Variants in ARFGAP2 observed in about 807,000 individuals in gnomAD.
ARFGAP2 encodes the protein ARF GTPase activating protein 2.
Under a neutral mutation model 71.9 loss-of-function variants are expected in ARFGAP2, and 45 were observed. The observed-to-expected ratio is 0.63, with a 90% confidence interval of 0.49 to 0.80. The LOEUF (loss-of-function observed/expected upper bound fraction) is 0.80, where lower values mean the gene tolerates loss of function less well. Among genes scored for constraint, ARFGAP2 ranks in the 30% least tolerant of loss-of-function variants. ARFGAP2 has a pLI of 0.00. For missense variants in ARFGAP2, 633 were observed against 673.9 expected, an observed-to-expected ratio of 0.94 and a Z score of 0.67; for synonymous variants, 248 against 249.2, an observed-to-expected ratio of 1.00 and a Z score of 0.05.
chr11:47,175,405 A>C, intron 3 of ARFGAP2, 92 bp from the exon 4 acceptor site: 1 of 1,578,250 alleles, frequency 6.3e-7, no homozygotes, highest in Non-Finnish European at 8.7e-7. Context: ...ATGACAGCGA[A>C]GTTATTATCT....
rs775936906 is a variant in ARFGAP2 at position 47,166,494 on chromosome 11, C to A, written c.1426+12G>T. ...GCCTCACTTGGTGCCTGCCACCCCACCAGGGCCCTACCTGCTCCGTGAGCT... is the reference window on the plus strand; with the variant it reads ...GCCTCACTTGGTGCCTGCCACCCCAACAGGGCCCTACCTGCTCCGTGAGCT... On this transcript the variant is annotated intron_variant, in intron 14 of 15. Transcript: ENST00000524782. 9.3e-6 allele frequency: 15 copies of A among 1,612,974 alleles called. No individual in the cohort carries two copies. The South Asian group carries it at 1.6e-4, about 18-fold the overall frequency.
At chr11:47,175,680 C>A in intron 3 of ARFGAP2, 171 bp downstream of exon 3, 1 of 736,580 alleles carries the variant, frequency 1.4e-6, no homozygotes. Flanking sequence ...ATCTGAAACC[C>A]ATTTAAGAGA....
At chr11:47,175,131 G>A (rs1392109227) in intron 4 of ARFGAP2, 33 bp from the exon 5 acceptor site, 3 of 1,614,116 alleles carry the variant, frequency 1.9e-6, no homozygotes, top group South Asian at 2.2e-5. Flanking sequence ...AAAACACAGG[G>A]CTCTGAATAC....
Position 47,175,022 on chromosome 11 carries a change from T to C in ARFGAP2, c.473A>G (p.His158Arg). ...EKKDSDFFTE[H>R]TQPPAWDAPA... ...TTCCTTGTGGGCACTCACTTGAGTG[T>C]GTTCTGTGAAGAAATCAGAGTCCTT... Residue 158 changes from histidine (H) to arginine (R), a missense_variant, in exon 5 of 16, where the codon CAC (histidine) becomes CGC (arginine). Coordinates refer to ENST00000524782, the MANE Select transcript of ARFGAP2 (RefSeq NM_032389.6). 6.2e-7 allele frequency: 1 copy of C among 1,614,186 alleles called. No individual in the cohort carries two copies. The highest frequency in any genetic ancestry group is 1.1e-5 in the South Asian group (1 of 91,082).
In ARFGAP2 at chr11:47,173,494, A is replaced by G; in HGVS notation, c.563-12T>C. 1 of 1,552,788 alleles carries G rather than the reference A, an allele frequency of 6.4e-7. No homozygotes were observed. The highest frequency in any genetic ancestry group is 8.7e-7 in the Non-Finnish European group (1 of 1,148,018). On this transcript the variant is annotated splice_polypyrimidine_tract_variant and intron_variant, in intron 6 of 15. Transcript: ENST00000524782. ...GCCATGCTCCGGCTCTGTGGATGCA[A>G]TGGTAGGAGTTAGAGATGAGCTCCT... is the stretch of plus-strand genomic sequence containing the variant.
rs914650135 is a variant in ARFGAP2, at chr11:47,171,468, C to T, written c.899G>A (p.Arg300Gln). ...KKLQNLEGKK[R>Q]EQAERLGMGL... ...CATGCCCAACCTTTCTGCCTGCTCT[C>T]GCTTCTTCCCTTCCAGATTCTGTAG... is the stretch of plus-strand genomic sequence containing the variant. Residue 300 changes from arginine (R) to glutamine (Q), a missense_variant, in exon 10 of 16, where the codon CGA (arginine) becomes CAA (glutamine). Physicochemically the swap from Arg to Gln is conservative, Grantham distance 43 (BLOSUM62 1). Transcript: ENST00000524782. 4 of 1,614,090 alleles carry T rather than the reference C, an allele frequency of 2.5e-6. No homozygotes were observed. Among genetic ancestry groups the T allele is most frequent in the African/African-American group, 2.7e-5 (2 of 74,926 alleles).
At chr11:47,166,690 A>G in intron 13 of ARFGAP2, 70 bp downstream of exon 13, 1 of 1,599,600 alleles carries the variant, frequency 6.3e-7, no homozygotes, top group Non-Finnish European at 8.5e-7. Context: ...TAAAGCCCAA[A>G]GCAGCGGCAG....
intron 10 of ARFGAP2, among the ~76,000 whole-genome samples, chr11:47,168,805 G>A (rs1952488751): frequency 6.6e-6 from 1 of 152,214 alleles, no homozygotes; most frequent in Non-Finnish European, 1.5e-5. Flanking sequence ...TTATAGGCGT[G>A]AGCCACTGTG....
intron 5 of ARFGAP2, 170 bp from the exon 6 acceptor site, chr11:47,174,010 G>T: frequency 7.5e-7 from 1 of 1,334,750 alleles, no homozygotes; most frequent in South Asian, 1.4e-5. Flanking sequence ...GAAGAAAGCA[G>T]GAAGACAAGC....
intron 10 of ARFGAP2, 118 bp downstream of exon 10, chr11:47,171,308 G>A: frequency 6.7e-7 from 1 of 1,483,376 alleles, no homozygotes; most frequent in Non-Finnish European, 9.1e-7. Flanking sequence ...AATAAGCCAA[G>A]TGATCTATTC....
intron 12 of ARFGAP2, among the ~76,000 whole-genome samples, chr11:47,167,483 T>G (rs1952429684): frequency 1.3e-5 from 2 of 152,094 alleles, no homozygotes; most frequent in Non-Finnish European, 2.9e-5. Flanking sequence ...GAGTAGGGTT[T>G]TAAAAAATAA....
chr11:47,175,785 G>A (rs546886487), intron 3 of ARFGAP2, 66 bp downstream of exon 3: 39 of 1,582,846 alleles, frequency 2.5e-5, no homozygotes, highest in Admixed American at 3.3e-5. Flanking sequence ...GGGCCTCTTA[G>A]GGAGTCGTGC....
intron 15 of ARFGAP2, among the ~76,000 whole-genome samples, chr11:47,165,759 G>A (rs1952340356): frequency 6.6e-6 from 1 of 152,200 alleles, no homozygotes; most frequent in Admixed American, 6.5e-5. Flanking sequence ...CAAGGCCAGG[G>A]AAGATCATGG....
intron 1 of ARFGAP2, 68 bp from the exon 2 acceptor site, chr11:47,176,702 A>G: frequency 1.2e-6 from 2 of 1,611,580 alleles, no homozygotes; most frequent in Non-Finnish European, 1.7e-6. Context: ...GACACCCCAG[A>G]AACATAACCC....
chr11:47,173,343 G>C, intron 7 of ARFGAP2, 83 bp downstream of exon 7: 1 of 1,481,326 alleles, frequency 6.8e-7, no homozygotes, highest in Non-Finnish European at 9.2e-7. Flanking sequence ...CTGTCCACAC[G>C]GCCAGGCAGT....
At chr11:47,174,170 G>A (rs1205857040) in intron 5 of ARFGAP2, among the ~76,000 whole-genome samples, 2 of 152,072 alleles carry the variant, frequency 1.3e-5, no homozygotes, top group Non-Finnish European at 2.9e-5. Context: ...CCCCTATGAA[G>A]GAGCTACATC....
chr11:47,175,794 G>A lies in ARFGAP2; in HGVS notation c.264+57C>T, dbSNP rs374324979. 43 of 1,603,126 alleles carry A rather than the reference G, an allele frequency of 2.7e-5. 1 individual carries two copies. The African/African-American group carries it at 3.3e-4, about 12-fold the overall frequency. ...ACGACAGGGCCTCTTAGGGAGTCGT[G>A]CAAAGTTAGTAACCAGGCAGAAGAA... is the stretch of plus-strand genomic sequence containing the variant. On this transcript the variant is annotated intron_variant, in intron 3 of 15. Transcript: ENST00000524782.
chr11:47,173,306 A>T, intron 7 of ARFGAP2, 120 bp downstream of exon 7: 1 of 1,153,886 alleles, frequency 8.7e-7, no homozygotes, highest in Non-Finnish European at 1.3e-6. Flanking sequence ...CCAGAGAATC[A>T]GATAGATGCT....
intron 3 of ARFGAP2, chr11:47,175,556 C>T: frequency 3.1e-6 from 2 of 646,910 alleles, no homozygotes; most frequent in East Asian, 5.9e-5. Context: ...AGCACAACAT[C>T]CCATACCCAG....
Sources: gnomAD v4.1 joint callset for allele counts (sites outside exome capture counted in the v4.1 genomes callset) on GRCh38, gnomAD v4.1.1 for gene constraint, MANE v1.5 for transcripts, NCBI Gene and HGNC (gene_info 2026-07-23, HGNC 2026-07-21) for gene names.